CFAP251: variants seen among roughly 807,000 people sequenced by gnomAD.
CFAP251 encodes cilia and flagella associated protein 251.
A neutral mutation model predicts 126.7 loss-of-function variants in CFAP251; 93 were observed. The ratio of observed to expected loss-of-function variants is 0.73; its 90% CI spans 0.62 to 0.87. The LOEUF (loss-of-function observed/expected upper bound fraction) is 0.87. Among genes scored for constraint, CFAP251 ranks in the 40% least tolerant of loss-of-function variants. The pLI is 0.00. For synonymous variants in CFAP251, 503 were observed against 506.9 expected (o/e 0.99, Z 0.10); for missense variants, 1,287 against 1,389.2 (o/e 0.93, Z 1.17).
chr12:121,996,062 G>T (rs888299186), intron 19 of CFAP251, among the ~76,000 whole-genome samples: 1 of 152,192 alleles, frequency 6.6e-6, no homozygotes, highest in Non-Finnish European at 1.5e-5. Context: ...ACTTGAGATA[G>T]GTTGGTAGCT....
rs187567675 is a variant in CFAP251 at position 121,945,545 on chromosome 12, A to G, written c.1191+2570A>G. Among the ~76,000 whole-genome samples the G allele has an allele frequency of 7.4e-3, 1,116 of 149,860 alleles. 13 individuals carry two copies. The highest frequency in any genetic ancestry group is 0.019 in the African/African-American group (789 of 40,730). Reference sequence around the variant, plus strand: ...TTTTTAGTACAGATGGGGTTTCACCATGTTAGCCAGGATGGTCTCCATCTC... The same window carrying G: ...TTTTTAGTACAGATGGGGTTTCACCGTGTTAGCCAGGATGGTCTCCATCTC... On this transcript the variant is annotated intron_variant, in intron 7 of 21. Transcript: ENST00000288912.
Position 121,942,928 on chromosome 12 carries a change from G to A in CFAP251, c.1144G>A (p.Glu382Lys). Reference protein sequence around the residue: ...VCIWKWTLAVETPACTLELPT... With the variant: ...VCIWKWTLAVKTPACTLELPT... ...CATCTGGAAGTGGACTTTGGCAGTG[G>A]AAACGCCAGCATGCACTCTCGAACT... Residue 382 changes from glutamate to lysine, a missense_variant, in exon 7 of 22, where the codon GAA becomes AAA. Glu to Lys is a moderately conservative substitution (Grantham distance 56, BLOSUM62 1). Coordinates refer to ENST00000288912, the MANE Select transcript of CFAP251 (RefSeq NM_144668.6). 6.2e-7 allele frequency: 1 copy of A among 1,614,168 alleles called. No homozygotes were observed. Among genetic ancestry groups the A allele is most frequent in the East Asian group, 2.2e-5 (1 of 44,886 alleles).
At chr12:121,940,553 A>C (rs1000642321) in intron 5 of CFAP251, among the ~76,000 whole-genome samples, 2 of 152,062 alleles carry the variant, frequency 1.3e-5, no homozygotes, top group African/African-American at 4.8e-5. Context: ...AACAAACAAA[A>C]AAGAACCATG....
At position 122,003,742 on chromosome 12, in the gene CFAP251, A is replaced by G. The variant is rs951173375; in HGVS notation, c.3428A>G (p.Asp1143Gly). ...TEILGLTISE[D>G]SGQDGQ The stretch of plus-strand genomic sequence containing the variant: ...ATTCTTGGCTTAACCATTTCAGAAG[A>G]TTCCGGCCAGGATGGTCAGTGAAGT... The change falls in exon 22 of 22, where the codon GAT becomes GGT. Residue 1143 changes from aspartate to glycine, a missense_variant. Asp to Gly is a moderately conservative substitution (Grantham distance 94). Coordinates refer to ENST00000288912, the MANE Select transcript of CFAP251 (RefSeq NM_144668.6). 2 of 1,609,468 alleles carry G rather than the reference A, an allele frequency of 1.2e-6. No individual in the cohort carries two copies. The highest frequency in any genetic ancestry group is 2.7e-5 in the African/African-American group (2 of 74,650).
chr12:121,927,207 G>C (rs1013786332), intron 3 of CFAP251, among the ~76,000 whole-genome samples: 4 of 147,362 alleles, frequency 2.7e-5, no homozygotes, highest in Admixed American at 2.7e-4. Context: ...TTTTTTTACC[G>C]GTGAGATAAT....
chr12:121,924,067 G>A, intron 3 of CFAP251, 77 bp downstream of exon 3: 1 of 1,461,706 alleles, frequency 6.8e-7, no homozygotes, highest in Non-Finnish European at 9.2e-7. Flanking sequence ...GCATGTTGGG[G>A]GAAAAAGAAT....
At chr12:121,952,231 C>A (rs567272146) in intron 9 of CFAP251, among the ~76,000 whole-genome samples, 1 of 111,264 alleles carries the variant, frequency 9.0e-6, no homozygotes, top group African/African-American at 3.9e-5. Context: ...GGCTAGACTT[C>A]GTTTCTACTA....
At chr12:121,932,035 C>A in intron 4 of CFAP251, 149 bp downstream of exon 4, 1 of 670,432 alleles carries the variant, frequency 1.5e-6, no homozygotes, top group Non-Finnish European at 2.2e-6. Flanking sequence ...TCTTTAGAAA[C>A]ACATGGTATT....
chr12:121,954,636 TA>T (rs1174239421), intron 10 of CFAP251, among the ~76,000 whole-genome samples: 1,636 of 41,812 alleles, frequency 0.039, 43 homozygotes, highest in African/African-American at 0.14. Flanking sequence ...CCTCCTGTCT[TA>T]AAAAAAAAAA....
intron 11 of CFAP251, among the ~76,000 whole-genome samples, chr12:121,957,539 T>C (rs1033652542): frequency 1.3e-5 from 2 of 151,058 alleles, no homozygotes; most frequent in Admixed American, 6.6e-5. Context: ...CCCGTCTCTA[T>C]TAAAAATACA....
chr12:121,989,171 T>A lies in CFAP251; in HGVS notation c.3007-10545T>A, dbSNP rs2135810782. 2.0e-5 allele frequency among the ~76,000 whole-genome samples: 3 copies of A among 152,328 alleles called. No homozygotes were observed. Among genetic ancestry groups the A allele is most frequent in the Middle Eastern group, 6.8e-3 (2 of 294 alleles). ...GGTTTGGTACAAGGTGCAAGACTTG[T>A]CATTCAGCTAGGACTGTCTCTTTCA... On this transcript the variant is annotated intron_variant, in intron 19 of 21. Transcript: ENST00000288912. This position sits in a 1 kb window ranked among gnomAD's most constrained non-coding sequence, Gnocchi z 4.2.
chr12:121,962,249 A>G, intron 15 of CFAP251, 87 bp downstream of exon 15: 2 of 1,278,688 alleles, frequency 1.6e-6, no homozygotes, highest in South Asian at 1.4e-5. Context: ...AGGGACCTGC[A>G]GGCAGCTTGG....
rs182914891 is a variant in CFAP251 at position 121,951,767 on chromosome 12, G to A, written c.1320+237G>A. Among the ~76,000 whole-genome samples, 67 of 152,020 alleles carry A rather than the reference G, an allele frequency of 4.4e-4. No homozygotes were observed. The East Asian group carries it at 9.9e-3, about 22-fold the overall frequency. On this transcript the variant is annotated intron_variant, in intron 9 of 21. Coordinates refer to ENST00000288912, the MANE Select transcript of CFAP251 (RefSeq NM_144668.6). ...GGAGTCTTGCTCTGTCGCCCAGGCT[G>A]GCGTGCAGTGGCGTGATCTTGGCTC...
chr12:121,936,438 C>A (rs1880898524), intron 5 of CFAP251, among the ~76,000 whole-genome samples: 1 of 152,168 alleles, frequency 6.6e-6, no homozygotes, highest in Non-Finnish European at 1.5e-5. Flanking sequence ...CAGAGCAAAA[C>A]CCTGTCTCAA....
At position 121,975,541 on chromosome 12, in the gene CFAP251, G is replaced by C; in HGVS notation, c.2863-1G>C. ...TGTGTTTCCGTTGTATTCCTACATAGGAGCTAGAAGACTACTTCTACTATT... is the reference window on the plus strand; with the variant it reads ...TGTGTTTCCGTTGTATTCCTACATACGAGCTAGAAGACTACTTCTACTATT... On this transcript the variant is annotated splice_acceptor_variant, in intron 18 of 21. Transcript: ENST00000288912. LOFTEE classifies it high-confidence loss of function. 6.2e-7 allele frequency: 1 copy of C among 1,608,350 alleles called. No individual in the cohort carries two copies. Among genetic ancestry groups the C allele is most frequent in the Non-Finnish European group, 8.5e-7 (1 of 1,178,604 alleles).
Position 121,923,871 on chromosome 12 carries a change from C to T in CFAP251, c.628C>T (p.Gln210Ter), listed in dbSNP as rs377324406. 4 of 1,613,958 alleles carry T rather than the reference C, an allele frequency of 2.5e-6. No individual in the cohort carries two copies. ...DLEPENREEGQERRVSDIQSK... is the reference protein window; with the variant it reads ...DLEPENREEG ...GGAGCCAGAAAACAGAGAGGAGGGA[C>T]AAGAAAGGAGAGTATCCGACATCCA... Residue 210 changes from glutamine (Q) to a stop codon, truncating the protein, a stop_gained, in exon 3 of 22, where the codon CAA becomes TAA. Transcript: ENST00000288912. LOFTEE classifies it high-confidence loss of function.
In CFAP251 at chr12:121,989,088, A is replaced by G. The variant is rs2135810721; in HGVS notation, c.3007-10628A>G. On this transcript the variant is annotated intron_variant, in intron 19 of 21. Transcript: ENST00000288912. The surrounding 1 kb of genome is among the most constrained non-coding windows in gnomAD (Gnocchi z 4.2). Reference sequence around the variant, plus strand: ...ACCATCTGGGGCTTTAGGGTGCATGAGGCAGGATCAGGATTTTAGAGAGCT... The same window carrying G: ...ACCATCTGGGGCTTTAGGGTGCATGGGGCAGGATCAGGATTTTAGAGAGCT... Among the ~76,000 whole-genome samples, 1 of 152,254 alleles carries G rather than the reference A, an allele frequency of 6.6e-6. No homozygotes were observed. The highest frequency in any genetic ancestry group is 2.4e-5 in the African/African-American group (1 of 41,532).
chr12:122,001,974 G>A (rs1169153480), intron 21 of CFAP251: 6 of 237,418 alleles, frequency 2.5e-5, no homozygotes, highest in African/African-American at 1.3e-4. Context: ...TGTAATTCCA[G>A]CACTTTGGGA....
At chr12:121,934,156 A>G (rs1191795829) in intron 4 of CFAP251, 91 bp from the exon 5 acceptor site, 2 of 957,082 alleles carry the variant, frequency 2.1e-6, no homozygotes, top group Non-Finnish European at 3.1e-6. Context: ...AGGAGCTCAG[A>G]TCTTTCTGTG....
Sources: allele counts gnomAD v4.1 joint callset (sites outside exome capture counted in the v4.1 genomes callset), GRCh38; gene constraint gnomAD v4.1.1; non-coding constraint Gnocchi (gnomAD v3.1); transcripts MANE v1.5; gene names NCBI Gene and HGNC (gene_info 2026-07-23, HGNC 2026-07-21).